Variants in GEMIN5 observed in about 807,000 individuals in gnomAD.
The protein encoded by GEMIN5 is gem nuclear organelle associated protein 5, also known as gem-associated protein 5.
Under a neutral mutation model 176.9 loss-of-function variants are expected in GEMIN5, and 124 were observed. The observed-to-expected ratio is 0.70, with a 90% CI of 0.61 to 0.81. The LOEUF is 0.81. Ranked by LOEUF, GEMIN5 falls within the 40% of genes least tolerant of loss-of-function variation. The probability of loss-of-function intolerance (pLI) is 0.00; values close to 1 mark genes in which losing one functional copy is unlikely to be tolerated. For synonymous variants in GEMIN5, 673 were observed against 665.2 expected, an observed-to-expected ratio of 1.01 and a Z score of -0.18; for missense variants, 1,843 against 1,814.6, an observed-to-expected ratio of 1.02 and a Z score of -0.28.
At chr5:154,905,993 CT>C (rs558096485) in intron 16 of GEMIN5, among the ~76,000 whole-genome samples, 68 of 146,116 alleles carry the variant, frequency 4.7e-4, no homozygotes, top group Middle Eastern at 3.6e-3. Flanking sequence ...TCCTGGCTTA[CT>C]TTTTTTTTTT....
chr5:154,910,919 G>A (rs374576509), intron 15 of GEMIN5, among the ~76,000 whole-genome samples: 2 of 151,844 alleles, frequency 1.3e-5, no homozygotes, highest in Non-Finnish European at 2.9e-5. Context: ...GGATGGTCTC[G>A]GATCTCCCGA....
At chr5:154,929,561 G>C (rs1338453010) in intron 5 of GEMIN5, among the ~76,000 whole-genome samples, 1 of 152,206 alleles carries the variant, frequency 6.6e-6, no homozygotes, top group African/African-American at 2.4e-5. Context: ...TAGATCTGAG[G>C]TGGGGTACAA....
At chr5:154,906,291 C>T (rs572206331) in intron 16 of GEMIN5, among the ~76,000 whole-genome samples, 41 of 152,300 alleles carry the variant, frequency 2.7e-4, no homozygotes, top group Non-Finnish European at 4.9e-4. Context: ...CCACCATGCC[C>T]GCCTTACTTT....
chr5:154,896,146 C>T lies in GEMIN5; in HGVS notation c.3543G>A (p.Gln1181=). The T allele has an allele frequency of 1.9e-6, 3 of 1,613,898 alleles. No individual in the cohort carries two copies. The highest frequency in any genetic ancestry group is 2.5e-6 in the Non-Finnish European group (3 of 1,179,936). Residue 1181 remains glutamine (Q), a synonymous_variant, in exon 24 of 28, where the codon CAG becomes CAA. Coordinates refer to ENST00000285873, the MANE Select transcript of GEMIN5 (RefSeq NM_015465.5). ...ATGGGTACTTGATGTTCTGCAGCTT[C>T]TGAAAGGCTTCCTGATACTGCTCAG... The part of the protein sequence containing the change: ...DTPEQYQEAF[Q]KLQNIKYPSA...
chr5:154,903,271 C>T, intron 18 of GEMIN5, 96 bp from the exon 19 acceptor site: 1 of 764,672 alleles, frequency 1.3e-6, no homozygotes, highest in Admixed American at 2.1e-5. Context: ...GGAACACCCA[C>T]TTCAGACACT....
chr5:154,934,233 C>A (rs918950874), intron 3 of GEMIN5, among the ~76,000 whole-genome samples: 1 of 152,122 alleles, frequency 6.6e-6, no homozygotes, highest in Non-Finnish European at 1.5e-5. Context: ...GTTGCCCAGG[C>A]TGGGGTGCAA....
In GEMIN5 at chr5:154,904,591, G is replaced by A. The variant is rs756627822; in HGVS notation, c.2548C>T (p.Pro850Ser). 6.2e-7 allele frequency: 1 copy of A among 1,611,836 alleles called. No homozygotes were observed. The highest frequency in any genetic ancestry group is 8.5e-7 in the Non-Finnish European group (1 of 1,177,948). The stretch of plus-strand genomic sequence containing the variant: ...CTGTGGTCCAGGCTTGTACTCAGGG[G>A]AAGCAAGGAACGAGCTTTTCTCTTC... ...IKKRKARSLL[P>S]LSTSLDHRSK... The change falls in exon 18 of 28, where the codon CCC becomes TCC. Residue 850 changes from proline to serine, a missense_variant. Physicochemically the swap from Pro to Ser is moderately conservative, Grantham distance 74. Transcript: ENST00000285873.
rs1763490320 is a variant in GEMIN5 at position 154,902,694 on chromosome 5, A to T, written c.2729-18T>A. 2 of 1,611,924 alleles carry T rather than the reference A, an allele frequency of 1.2e-6. No homozygotes were observed. Among genetic ancestry groups the T allele is most frequent in the Admixed American group, 3.3e-5 (2 of 59,816 alleles). ...ACCTTTTCCTGTTTGAAAGAGAGATAATGTTTGGAAGGTGTTTCAGAAACA... is the reference window on the plus strand; with the variant it reads ...ACCTTTTCCTGTTTGAAAGAGAGATTATGTTTGGAAGGTGTTTCAGAAACA... On this transcript the variant is annotated intron_variant, in intron 19 of 27. Coordinates refer to ENST00000285873, the MANE Select transcript of GEMIN5 (RefSeq NM_015465.5).
intron 3 of GEMIN5, among the ~76,000 whole-genome samples, chr5:154,935,363 A>T (rs1764245985): frequency 6.6e-6 from 1 of 152,252 alleles, no homozygotes; most frequent in South Asian, 2.1e-4. Flanking sequence ...TTCAGTGAGA[A>T]GTACATGAAA....
intron 5 of GEMIN5, 141 bp downstream of exon 5, chr5:154,931,317 A>T (rs1269893956): frequency 1.3e-6 from 1 of 744,454 alleles, no homozygotes; most frequent in Non-Finnish European, 2.1e-6. Context: ...GCCAGGCTCA[A>T]ATGAGGAAGC....
chr5:154,896,482 A>G (rs1439805823), intron 23 of GEMIN5, 139 bp from the exon 24 acceptor site: 2 of 761,594 alleles, frequency 2.6e-6, no homozygotes, highest in African/African-American at 1.8e-5. Flanking sequence ...CCTGCCCCAT[A>G]TGAGTCATGC....
At chr5:154,911,010 T>C (rs1236292453) in intron 15 of GEMIN5, among the ~76,000 whole-genome samples, 5 of 152,318 alleles carry the variant, frequency 3.3e-5, no homozygotes, top group East Asian at 1.9e-4. Context: ...CTCTTACTTA[T>C]GTTTAACAGT....
At chr5:154,893,329 C>T (rs816735) in intron 24 of GEMIN5, among the ~76,000 whole-genome samples, 7 of 148,000 alleles carry the variant, frequency 4.7e-5, no homozygotes, top group South Asian at 4.3e-4. Flanking sequence ...ACTTGGGAGG[C>T]TGAGGCGGAA....
At chr5:154,937,746 G>C (rs1214685741) in intron 1 of GEMIN5, among the ~76,000 whole-genome samples, 2 of 152,174 alleles carry the variant, frequency 1.3e-5, no homozygotes, top group Non-Finnish European at 2.9e-5. Flanking sequence ...GTAAGCAAGC[G>C]GCCCCACGTG....
intron 23 of GEMIN5, among the ~76,000 whole-genome samples, chr5:154,897,420 G>C (rs934635130): frequency 6.6e-6 from 1 of 152,178 alleles, no homozygotes; most frequent in East Asian, 1.9e-4. Context: ...AAAGGCAGTG[G>C]TATGTTACTG....
intron 3 of GEMIN5, 55 bp downstream of exon 3, chr5:154,935,786 C>T (rs761381223): frequency 5.4e-6 from 7 of 1,300,888 alleles, no homozygotes; most frequent in Admixed American, 3.9e-5. Flanking sequence ...AAAGAAAATG[C>T]AAAACACGAT....
chr5:154,914,127 TCTC>T (rs1227896513), intron 13 of GEMIN5, among the ~76,000 whole-genome samples: 1 of 152,058 alleles, frequency 6.6e-6, no homozygotes, highest in Non-Finnish European at 1.5e-5. Flanking sequence ...TTCAAACCAT[TCTC>T]CTGCCTCAGC....
intron 25 of GEMIN5, 131 bp from the exon 26 acceptor site, chr5:154,891,873 A>G (rs1763238219): frequency 2.3e-6 from 2 of 856,400 alleles, no homozygotes; most frequent in East Asian, 5.0e-5. Flanking sequence ...AGTGTGATCC[A>G]CCGGGCCACA....
chr5:154,919,868 T>C, intron 11 of GEMIN5, 99 bp downstream of exon 11: 1 of 1,007,714 alleles, frequency 9.9e-7, no homozygotes, highest in Non-Finnish European at 1.5e-6. Flanking sequence ...CTTAGTATGA[T>C]GATGGTAATC....
Sources: gnomAD v4.1 joint callset for allele counts (sites outside exome capture counted in the v4.1 genomes callset) on GRCh38, gnomAD v4.1.1 for gene constraint, MANE v1.5 for transcripts, NCBI Gene and HGNC (gene_info 2026-07-23, HGNC 2026-07-21) for gene names.